The following TMEM94 variants were observed in gnomAD, a reference collection of about 807,000 sequenced individuals.
The protein encoded by TMEM94 is transmembrane protein 94, also known as ER Mg2+ ATPase.
TMEM94 carries 81 observed loss-of-function variants against 158.6 expected under a neutral mutation model. The ratio of observed to expected loss-of-function variants is 0.51; its 90% CI spans 0.43 to 0.61. The LOEUF is 0.61. Ranked by LOEUF, TMEM94 falls within the 20% of genes least tolerant of loss-of-function variation. The pLI, the probability that TMEM94 is intolerant of heterozygous loss-of-function variation, is 0.00. For missense variants in TMEM94, 1,435 were observed against 1,762.0 expected (o/e 0.81, Z 3.32); for synonymous variants, 751 against 730.7 (o/e 1.03, Z -0.45).
Position 75,498,372 on chromosome 17 carries a change from C to A in TMEM94, c.3638+49C>A. On this transcript the variant is annotated intron_variant, in intron 28 of 31. Coordinates refer to ENST00000314256, the MANE Select transcript of TMEM94 (RefSeq NM_014738.6). This position sits in a 1 kb window ranked among gnomAD's most constrained non-coding sequence, Gnocchi z 6.7. ...ACCCATCGCCTGCCTCGCCTCGAGG[C>A]TTCCTCCCTCCCCACCCCAGCCTAC... 1 of 1,612,168 alleles carries A rather than the reference C, an allele frequency of 6.2e-7. No homozygotes were observed. Among genetic ancestry groups the A allele is most frequent in the Non-Finnish European group, 8.5e-7 (1 of 1,179,238 alleles).
chr17:75,499,120 C>G (rs368929250), intron 31 of TMEM94, 38 bp downstream of exon 31: 3 of 1,576,058 alleles, frequency 1.9e-6, no homozygotes, highest in Non-Finnish European at 2.6e-6. Context: ...TGGGCTCAGG[C>G]ATGTTCCCTA....
At chr17:75,486,556 G>A (rs868413666) in intron 5 of TMEM94, 130 bp downstream of exon 5, 11 of 1,161,234 alleles carry the variant, frequency 9.5e-6, no homozygotes, top group Middle Eastern at 2.0e-4. Flanking sequence ...TTGTCATCTG[G>A]GGAGTTAGAA....
chr17:75,489,427 G>C lies in TMEM94; in HGVS notation c.867+59G>C, dbSNP rs1432410732. ...GGCAGAGGAGAGGGCTGGACACGGG[G>C]GGGTCTCAGGGCCACTCACATGAGC... On this transcript the variant is annotated intron_variant, in intron 8 of 31. Transcript: ENST00000314256. This position sits in a 1 kb window ranked among gnomAD's most constrained non-coding sequence, Gnocchi z 5.0. 1 of 1,544,462 alleles carries C rather than the reference G, an allele frequency of 6.5e-7. No individual in the cohort carries two copies. Among genetic ancestry groups the C allele is most frequent in the Non-Finnish European group, 8.9e-7 (1 of 1,117,562 alleles).
Position 75,497,218 on chromosome 17 carries a change from C to T in TMEM94, c.3407+20C>T. 6.3e-7 allele frequency: 1 copy of T among 1,593,694 alleles called. No homozygotes were observed. The highest frequency in any genetic ancestry group is 1.1e-5 in the South Asian group (1 of 90,694). ...GCTCAGGTGAGATGCCATGTATCTT[C>T]CCCACACCCCATGCCTAAGCAGGAG... On this transcript the variant is annotated intron_variant, in intron 26 of 31. Transcript: ENST00000314256.
rs532460835 is a variant in TMEM94, at chr17:75,458,695, C to CA, written c.-107+1958dup. 1.7e-3 allele frequency among the ~76,000 whole-genome samples: 195 copies of CA among 116,720 alleles called. 1 individual carries two copies. Among genetic ancestry groups the CA allele is most frequent in the East Asian group, 6.2e-3 (24 of 3,844 alleles). 76.6% of individuals were successfully genotyped at this position (116,720 alleles called of 152,430 possible). On this transcript the variant is annotated intron_variant, in intron 1 of 31. Transcript: ENST00000314256. Reference sequence around the variant, plus strand: ...GGGCAACAGAGCAAGACTCTGTCTCCAAAAAAAAAAAAAAGAGTCATGGAA... The same window carrying CA: ...GGGCAACAGAGCAAGACTCTGTCTCCAAAAAAAAAAAAAAAGAGTCATGGAA...
At chr17:75,467,440 C>T in intron 1 of TMEM94, among the ~76,000 whole-genome samples, 1 of 151,378 alleles carries the variant, frequency 6.6e-6, no homozygotes, top group Non-Finnish European at 1.5e-5. Flanking sequence ...ATATTTTCTC[C>T]ATATACAATT....
Position 75,495,565 on chromosome 17 carries a change from C to T in TMEM94, c.2866C>T (p.His956Tyr), listed in dbSNP as rs1431112130. 9.3e-6 allele frequency: 15 copies of T among 1,613,562 alleles called. No homozygotes were observed. Among genetic ancestry groups the T allele is most frequent in the Admixed American group, 1.7e-5 (1 of 60,008 alleles). ...SNRAKLPRGI[H>Y]QVRPHLQNID... ...CCAGGCCAAGCTGCCCCGGGGTATC[C>T]ACCAAGTGCGGCCCCACCTGCAGAA... Residue 956 changes from histidine to tyrosine, a missense_variant, in exon 22 of 32, where the codon CAC becomes TAC. Physicochemically the swap from His to Tyr is moderately conservative, Grantham distance 83. Transcript: ENST00000314256. This position sits in a 1 kb window ranked among gnomAD's most constrained non-coding sequence, Gnocchi z 5.6.
rs374652191 is a variant in TMEM94 at position 75,481,975 on chromosome 17, TGAGGAGG to T, written c.25-3447_25-3441del. 2.3e-3 allele frequency among the ~76,000 whole-genome samples: 356 copies of T among 152,224 alleles called. 1 individual carries two copies. The highest frequency in any genetic ancestry group is 8.0e-3 in the African/African-American group (334 of 41,526). On this transcript the variant is annotated intron_variant, in intron 2 of 31. Coordinates refer to ENST00000314256, the MANE Select transcript of TMEM94 (RefSeq NM_014738.6). ...CTATAATCACAGCACTTTAGCAGGC[TGAGGAGG>T]GAGGATTGCTTGAGGTCAGGAGTTT...
chr17:75,471,728 AT>A, intron 1 of TMEM94, 71 bp from the exon 2 acceptor site: 2 of 566,616 alleles, frequency 3.5e-6, no homozygotes, highest in Admixed American at 3.2e-5. Flanking sequence ...AAAAAAAAAA[AT>A]GATGCTGTTG....
intron 1 of TMEM94, among the ~76,000 whole-genome samples, chr17:75,460,062 T>C (rs1387284088): frequency 6.6e-6 from 1 of 152,068 alleles, no homozygotes; most frequent in African/African-American, 2.4e-5. Flanking sequence ...GTAAACAGTA[T>C]GGGTCACATG....
intron 2 of TMEM94, among the ~76,000 whole-genome samples, chr17:75,481,554 C>T (rs1451094928): frequency 6.6e-6 from 1 of 152,220 alleles, no homozygotes. Context: ...GGATGTGTGC[C>T]CTGCCAGGGC....
Position 75,496,043 on chromosome 17 carries a change from A to G in TMEM94, c.3022A>G (p.Asn1008Asp). Residue 1008 changes from asparagine to aspartate, a missense_variant, in exon 23 of 32, where the codon AAC (asparagine) becomes GAC (aspartate). By Grantham distance (23) the Asn-to-Asp change is conservative. Transcript: ENST00000314256. ...CCLGSSANLR[N>D]SCLFLQSDIS... ...CCTGGGCAGCTCTGCCAACCTGCGG[A>G]ACAGCTGCCTCTTCCTCCAGAGCGA... 1 of 1,613,084 alleles carries G rather than the reference A, an allele frequency of 6.2e-7. No homozygotes were observed. Among genetic ancestry groups the G allele is most frequent in the Non-Finnish European group, 8.5e-7 (1 of 1,179,860 alleles).
At chr17:75,457,555 G>A (rs1322153424) in intron 1 of TMEM94, 1 of 152,128 alleles carries the variant, frequency 6.6e-6, no homozygotes, top group South Asian at 2.1e-4. Flanking sequence ...TGAGTTTTTC[G>A]GTGGCTCTTG....
At chr17:75,486,204 G>A in intron 4 of TMEM94, 86 bp from the exon 5 acceptor site, 1 of 1,572,350 alleles carries the variant, frequency 6.4e-7, no homozygotes, top group South Asian at 1.2e-5. Context: ...AAGGGACTGG[G>A]GTGGGAAGGG....
intron 1 of TMEM94, among the ~76,000 whole-genome samples, chr17:75,461,844 G>A (rs62091793): frequency 0.64 from 94,620 of 148,892 alleles, 33,634 homozygotes; most frequent in Non-Finnish European, 0.81. Flanking sequence ...AACCCGGGAG[G>A]CGGAGCTTAC....
At chr17:75,463,413 T>C (rs2050183688) in intron 1 of TMEM94, among the ~76,000 whole-genome samples, 1 of 151,746 alleles carries the variant, frequency 6.6e-6, no homozygotes, top group South Asian at 2.1e-4. Context: ...ACGTCTTAGT[T>C]TCTCCAACCT....
rs900001618 is a variant in TMEM94 at position 75,492,079 on chromosome 17, G to A, written c.1596+179G>A. On this transcript the variant is annotated intron_variant, in intron 14 of 31. Transcript: ENST00000314256. The surrounding 1 kb of genome is among the most constrained non-coding windows in gnomAD (Gnocchi z 4.4). The stretch of plus-strand genomic sequence containing the variant: ...CCCCAAGTCTGCTGCGAAGTAGGTG[G>A]AGCCTCCCCCTACCCTTCCATTCTT... The A allele has an allele frequency of 4.6e-5, 36 of 784,858 alleles. No individual in the cohort carries two copies. The highest frequency in any genetic ancestry group is 3.8e-4 in the Middle Eastern group (1 of 2,636). The allele number at this position is 784,858 out of a possible 1,614,324, so 48.6% of individuals were successfully genotyped here.
chr17:75,459,521 G>A (rs149476104), intron 1 of TMEM94, among the ~76,000 whole-genome samples: 2 of 152,314 alleles, frequency 1.3e-5, no homozygotes, highest in East Asian at 3.9e-4. Flanking sequence ...AAACTAATGA[G>A]AAATGAAGGT....
Position 75,486,412 on chromosome 17 carries a change from T to C in TMEM94, c.395T>C (p.Ile132Thr), listed in dbSNP as rs1191121973. ...GTAGAGCGGAGGCTGCGAGGGATCA[T>C]TGACCAAATCCAAGGTGAGGTCAAG... is the stretch of plus-strand genomic sequence containing the variant. Reference protein sequence around the residue: ...REVERRLRGIIDQIQDALRDG... With the variant: ...REVERRLRGITDQIQDALRDG... Residue 132 changes from isoleucine (I) to threonine (T), a missense_variant, in exon 5 of 32, where the codon ATT (isoleucine) becomes ACT (threonine). Ile to Thr is a moderately conservative substitution (Grantham distance 89). Around this residue, in one of 3 missense-constraint regions of TMEM94, gnomAD observed 1,051 missense variants for 1,254.4 expected, o/e 0.84. Transcript: ENST00000314256. The C allele has an allele frequency of 6.2e-6, 10 of 1,614,088 alleles. No individual in the cohort carries two copies. Among genetic ancestry groups the C allele is most frequent in the Non-Finnish European group, 8.5e-6 (10 of 1,180,030 alleles).
Sources: allele counts gnomAD v4.1 joint callset (sites outside exome capture counted in the v4.1 genomes callset), GRCh38; gene constraint gnomAD v4.1.1; regional missense constraint gnomAD v4.1.1; non-coding constraint Gnocchi (gnomAD v3.1); transcripts MANE v1.5; gene names NCBI Gene and HGNC (gene_info 2026-07-23, HGNC 2026-07-21).